The following SCN7A variants were observed in gnomAD, a reference collection of about 807,000 sequenced individuals.
SCN7A encodes the protein sodium voltage-gated channel alpha subunit 7.
A neutral mutation model predicts 155.2 loss-of-function variants in SCN7A; 138 were observed. The observed-to-expected ratio is 0.89, with a 90% CI of 0.77 to 1.02. The LOEUF is 1.02. SCN7A is among the 50% of genes least tolerant of loss of function. The probability of loss-of-function intolerance (pLI) is 0.00; values close to 1 mark genes in which losing one functional copy is unlikely to be tolerated. For missense variants in SCN7A, 2,058 were observed against 1,986.6 expected (o/e 1.04, Z -0.68); for synonymous variants, 693 against 649.0 (o/e 1.07, Z -1.03).
chr2:166,455,009 C>T (rs988144970), intron 11 of SCN7A, among the ~76,000 whole-genome samples: 12 of 152,146 alleles, frequency 7.9e-5, no homozygotes, highest in Admixed American at 4.6e-4. Context: ...CTTTATTAAT[C>T]TGGATTTAAT....
chr2:166,412,324 C>T (rs974972068), intron 23 of SCN7A, among the ~76,000 whole-genome samples: 4 of 151,994 alleles, frequency 2.6e-5, no homozygotes, highest in African/African-American at 9.7e-5. Context: ...AACTTTTAAA[C>T]TTGACTGTGT....
At position 166,415,637 on chromosome 2, in the gene SCN7A, T is replaced by C. The variant is rs541081973; in HGVS notation, c.3414+1070A>G. 7.2e-5 allele frequency among the ~76,000 whole-genome samples: 11 copies of C among 152,288 alleles called. No homozygotes were observed. The East Asian group carries it at 9.7e-4, about 13-fold the overall frequency. Reference sequence around the variant, plus strand: ...AAATTGCGAAGATTTCATTTTAACATGGACATTTGTCAGTTCCCAAATTAA... The same window carrying C: ...AAATTGCGAAGATTTCATTTTAACACGGACATTTGTCAGTTCCCAAATTAA... On this transcript the variant is annotated intron_variant, in intron 21 of 25. Transcript: ENST00000643258.
At chr2:166,490,079 T>C (rs12471125) in intron 1 of SCN7A, among the ~76,000 whole-genome samples, 43,920 of 151,698 alleles carry the variant, frequency 0.29, 6,731 homozygotes, top group Non-Finnish European at 0.34. Flanking sequence ...ATCCATTATC[T>C]CACAGACTTA....
At chr2:166,433,043 C>T (rs946101026) in intron 15 of SCN7A, among the ~76,000 whole-genome samples, 6 of 152,194 alleles carry the variant, frequency 3.9e-5, no homozygotes, top group African/African-American at 1.4e-4. Flanking sequence ...CTCTCTACTT[C>T]CAGAGTGTGA....
At chr2:166,453,653 C>T (rs556469946) in intron 11 of SCN7A, among the ~76,000 whole-genome samples, 2 of 152,254 alleles carry the variant, frequency 1.3e-5, no homozygotes, top group East Asian at 3.9e-4. Context: ...CATCATTCAT[C>T]TATTAAGTAG....
intron 16 of SCN7A, 44 bp downstream of exon 16, chr2:166,432,274 A>T: frequency 6.8e-7 from 1 of 1,461,910 alleles, no homozygotes; most frequent in Non-Finnish European, 9.3e-7. Flanking sequence ...TATCAACAAT[A>T]CTATAAATCA....
In SCN7A at chr2:166,405,894, G is replaced by A. The variant is rs202047112; in HGVS notation, c.4735C>T (p.Leu1579Phe). Residue 1579 changes from leucine to phenylalanine, a missense_variant, in exon 26 of 26, where the codon CTT becomes TTT. Transcript: ENST00000643258. Reference sequence around the variant, plus strand: ...CCCATAACTCTCTTTGTAAAAGCAAGTAAGATATCGAGGCAATGAATTCTG... The same window carrying A: ...CCCATAACTCTCTTTGTAAAAGCAAATAAGATATCGAGGCAATGAATTCTG... Reference protein sequence around the residue: ...GDRIHCLDILLAFTKRVMGQD... With the variant: ...GDRIHCLDILFAFTKRVMGQD... 151 of 1,612,998 alleles carry A rather than the reference G, an allele frequency of 9.4e-5. No individual in the cohort carries two copies. Among genetic ancestry groups the A allele is most frequent in the Non-Finnish European group, 1.2e-4 (147 of 1,179,404 alleles).
At position 166,405,408 on chromosome 2, in the gene SCN7A, T is replaced by C; in HGVS notation, c.*172A>G. 1 of 556,108 alleles carries C rather than the reference T, an allele frequency of 1.8e-6. No homozygotes were observed. The highest frequency in any genetic ancestry group is 3.1e-6 in the Non-Finnish European group (1 of 322,118). The allele number at this position is 556,108 out of a possible 1,614,324, so 34.4% of individuals were successfully genotyped here. A position where few individuals can be genotyped will look rare whatever the true frequency, so the allele number is the denominator to read the frequency against. The stretch of plus-strand genomic sequence containing the variant: ...AGCAATATTAAGGATTCTCTTGATT[T>C]GTTAGATATAATGCTAAAAAGTGAA... On this transcript the variant is annotated 3_prime_UTR_variant, in exon 26 of 26. Transcript: ENST00000643258.
chr2:166,429,189 C>A lies in SCN7A; in HGVS notation c.2678G>T (p.Arg893Ile). The A allele has an allele frequency of 6.5e-7, 1 of 1,538,436 alleles. No individual in the cohort carries two copies. The highest frequency in any genetic ancestry group is 8.8e-7 in the Non-Finnish European group (1 of 1,141,296). ...CTTACCATTTTTCAGATGCTTTGAT[C>A]TTTCACCTCCATAGAACATTTCTTC... The part of the protein sequence containing the change: ...EEEEMFYGGE[R>I]SKHLKNGCRR... Residue 893 changes from arginine (R) to isoleucine (I), a missense_variant, in exon 17 of 26, where the codon AGA becomes ATA. By Grantham distance (97) the Arg-to-Ile change is moderately conservative. Coordinates refer to ENST00000643258, the MANE Select transcript of SCN7A (RefSeq NM_002976.4).
At chr2:166,410,696 A>C (rs1420533281) in intron 23 of SCN7A, among the ~76,000 whole-genome samples, 2 of 152,052 alleles carry the variant, frequency 1.3e-5, no homozygotes, top group African/African-American at 4.8e-5. Context: ...TGTATCTTTT[A>C]ATAAGCAGAA....
intron 25 of SCN7A, among the ~76,000 whole-genome samples, chr2:166,408,602 T>G (rs1021120381): frequency 8.6e-5 from 13 of 151,984 alleles, no homozygotes; most frequent in African/African-American, 3.1e-4. Context: ...CTTGTCTTCA[T>G]GTACTTTTCT....
In SCN7A at chr2:166,432,755, A is replaced by C; in HGVS notation, c.2158-3T>G. On this transcript the variant is annotated splice_region_variant and splice_polypyrimidine_tract_variant and intron_variant, in intron 15 of 25. Coordinates refer to ENST00000643258, the MANE Select transcript of SCN7A (RefSeq NM_002976.4). ...AATGCCAGAAACAGGTAAAGTACCT[A>C]AATAAGGAAGTAAAATGAGGCTAAA... The C allele has an allele frequency of 6.6e-7, 1 of 1,516,368 alleles. No individual in the cohort carries two copies. The highest frequency in any genetic ancestry group is 8.8e-7 in the Non-Finnish European group (1 of 1,138,044). The allele number at this position is 1,516,368 out of a possible 1,614,324, so 93.9% of individuals were successfully genotyped here.
chr2:166,418,831 A>C (rs1701447137), intron 20 of SCN7A, among the ~76,000 whole-genome samples: 1 of 152,214 alleles, frequency 6.6e-6, no homozygotes, highest in South Asian at 2.1e-4. Flanking sequence ...TAAACTTATT[A>C]AATACATAAA....
chr2:166,411,443 G>A (rs1701200373), intron 23 of SCN7A, among the ~76,000 whole-genome samples: 1 of 151,298 alleles, frequency 6.6e-6, no homozygotes, highest in Non-Finnish European at 1.5e-5. Flanking sequence ...CAAAATGCAA[G>A]AGAAGTGATG....
chr2:166,456,723 T>G, intron 11 of SCN7A, 147 bp downstream of exon 11: 1 of 374,778 alleles, frequency 2.7e-6, no homozygotes, highest in Non-Finnish European at 4.4e-6. Context: ...GTGACCACCA[T>G]GGGACCAGCA....
intron 3 of SCN7A, among the ~76,000 whole-genome samples, chr2:166,474,631 C>T (rs920280621): frequency 7.3e-5 from 11 of 151,222 alleles, no homozygotes; most frequent in Non-Finnish European, 1.0e-4. Context: ...CCTTAGAGAA[C>T]GAACAGAATA....
intron 20 of SCN7A, 62 bp downstream of exon 20, chr2:166,421,128 T>C (rs1411373256): frequency 5.6e-6 from 6 of 1,065,696 alleles, no homozygotes; most frequent in Non-Finnish European, 8.1e-6. Context: ...GCTTCCCAAT[T>C]TGTGCAAATT....
intron 16 of SCN7A, among the ~76,000 whole-genome samples, 159 bp downstream of exon 16, chr2:166,432,159 A>G (rs1701744827): frequency 6.6e-6 from 1 of 152,092 alleles, no homozygotes; most frequent in Non-Finnish European, 1.5e-5. Context: ...AAGTAATTTG[A>G]TCAAAAGCAT....
chr2:166,453,838 C>T (rs1031766513), intron 11 of SCN7A, among the ~76,000 whole-genome samples: 14 of 151,992 alleles, frequency 9.2e-5, no homozygotes, highest in African/African-American at 3.4e-4. Flanking sequence ...CTGTAGAGCC[C>T]TCAGTTTGTT....
Sources: allele counts gnomAD v4.1 joint callset (sites outside exome capture counted in the v4.1 genomes callset), GRCh38; gene constraint gnomAD v4.1.1; transcripts MANE v1.5; gene names NCBI Gene and HGNC (gene_info 2026-07-23, HGNC 2026-07-21).